Variants in DISC1 observed in about 807,000 individuals in gnomAD.
The protein encoded by DISC1 is disrupted in schizophrenia 1 protein.
Under a neutral mutation model 84.5 loss-of-function variants are expected in DISC1, and 57 were observed. The observed-to-expected ratio is 0.67, with a 90% CI of 0.55 to 0.84. DISC1 has a LOEUF of 0.84. DISC1 is among the 40% of genes least tolerant of loss of function. DISC1 has a pLI of 0.00. For synonymous variants in DISC1, 411 were observed against 415.2 expected (o/e 0.99, Z 0.12); for missense variants, 1,000 against 1,057.8 (o/e 0.95, Z 0.76).
In DISC1 at chr1:231,820,697, A is replaced by G. The variant is rs144878080; in HGVS notation, c.1981+2180A>G. On this transcript the variant is annotated intron_variant, in intron 9 of 12. Coordinates refer to ENST00000439617, the MANE Select transcript of DISC1 (RefSeq NM_018662.3). ...ATGCATGTCCAAGTCCAGTCAGAAAAAAAACAAAGAAGGAAGAGAGCTCAT... is the reference window on the plus strand; with the variant it reads ...ATGCATGTCCAAGTCCAGTCAGAAAGAAAACAAAGAAGGAAGAGAGCTCAT... Among the ~76,000 whole-genome samples the G allele has an allele frequency of 1.2e-3, 179 of 152,302 alleles. 1 individual carries two copies. The highest frequency in any genetic ancestry group is 4.1e-3 in the African/African-American group (170 of 41,544).
At chr1:231,823,810 C>T (rs2081664633) in intron 9 of DISC1, among the ~76,000 whole-genome samples, 1 of 152,054 alleles carries the variant, frequency 6.6e-6, no homozygotes, top group Non-Finnish European at 1.5e-5. Context: ...GTTGGGGATC[C>T]CTTCAAAGCA....
At chr1:231,764,353 A>C (rs1258282152) in intron 4 of DISC1, among the ~76,000 whole-genome samples, 2 of 152,246 alleles carry the variant, frequency 1.3e-5, no homozygotes, top group African/African-American at 4.8e-5. Context: ...TTTATGTTAC[A>C]GTTGTAAAAA....
chr1:231,695,685 A>G lies in DISC1; in HGVS notation c.1047+880A>G, dbSNP rs145359398. ...ATGTGTGTGTGTGCATGCATGTGCG[A>G]GTGTATTTGTGTGTGTGCACTCATG... On this transcript the variant is annotated intron_variant, in intron 2 of 12. Transcript: ENST00000439617. Among the ~76,000 whole-genome samples the G allele has an allele frequency of 1.6e-3, 236 of 151,380 alleles. 1 individual carries two copies. Among genetic ancestry groups the G allele is most frequent in the African/African-American group, 5.5e-3 (226 of 41,206 alleles).
intron 6 of DISC1, chr1:231,771,636 T>C (rs1269503525): frequency 6.1e-6 from 6 of 977,648 alleles, no homozygotes; most frequent in Non-Finnish European, 7.3e-6. Context: ...TTTAAGAAGG[T>C]TATAATTTGC....
intron 10 of DISC1, among the ~76,000 whole-genome samples, chr1:232,005,447 T>C (rs958409802): frequency 2.7e-4 from 41 of 152,216 alleles, no homozygotes; most frequent in Admixed American, 5.9e-4. Context: ...GTGCCTTTCT[T>C]TTCTCTCACT....
intron 11 of DISC1, among the ~76,000 whole-genome samples, chr1:232,017,186 T>C (rs1016457198): frequency 1.3e-5 from 2 of 152,146 alleles, no homozygotes; most frequent in African/African-American, 2.4e-5. Flanking sequence ...CAAAGGAACA[T>C]ATTTAAGGCA....
intron 9 of DISC1, chr1:231,940,817 T>G (rs1319510741): frequency 6.6e-6 from 1 of 152,374 alleles, no homozygotes; most frequent in Non-Finnish European, 1.5e-5. Context: ...AGACTCTGCC[T>G]TCAACATTTG....
intron 9 of DISC1, among the ~76,000 whole-genome samples, chr1:231,878,627 T>C (rs1209429096): frequency 6.6e-6 from 1 of 152,200 alleles, no homozygotes; most frequent in African/African-American, 2.4e-5. Flanking sequence ...ATTGTCATTT[T>C]TTTTAAATGC....
chr1:232,017,305 G>A (rs1478299515), intron 11 of DISC1, among the ~76,000 whole-genome samples: 6 of 152,162 alleles, frequency 3.9e-5, no homozygotes, highest in African/African-American at 1.4e-4. Context: ...AGTGAGACTT[G>A]ACAATGTAAC....
rs821625 is a variant in DISC1, at chr1:232,011,364, G to T, written c.2307+2315G>T. Among the ~76,000 whole-genome samples, 350 of 152,072 alleles carry T rather than the reference G, an allele frequency of 2.3e-3. 4 individuals carry two copies. Among genetic ancestry groups the T allele is most frequent in the African/African-American group, 8.1e-3 (337 of 41,460 alleles). ...CTCCACCAATTGAAATGCTGAGGAT[G>T]TCCTACATTTATTTGTTGCTTTCTT... On this transcript the variant is annotated intron_variant, in intron 11 of 12. Coordinates refer to ENST00000439617, the MANE Select transcript of DISC1 (RefSeq NM_018662.3).
intron 9 of DISC1, among the ~76,000 whole-genome samples, chr1:231,928,198 C>T (rs1162623109): frequency 6.6e-6 from 1 of 152,196 alleles, no homozygotes; most frequent in Non-Finnish European, 1.5e-5. Flanking sequence ...TTTCTGCTCT[C>T]AGCTATTAAA....
intron 6 of DISC1, among the ~76,000 whole-genome samples, chr1:231,790,743 C>T (rs1283934937): frequency 2.0e-5 from 3 of 152,148 alleles, no homozygotes; most frequent in Non-Finnish European, 4.4e-5. Flanking sequence ...TGGTCTCCAT[C>T]TCCTGACCTT....
intron 1 of DISC1, among the ~76,000 whole-genome samples, chr1:231,651,155 T>C (rs1396284067): frequency 6.6e-6 from 1 of 152,250 alleles, no homozygotes; most frequent in East Asian, 1.9e-4. Context: ...CTCTGGTTTT[T>C]AGGATTTTCA....
intron 8 of DISC1, among the ~76,000 whole-genome samples, chr1:231,817,417 T>G (rs1016288564): frequency 6.6e-6 from 1 of 152,144 alleles, no homozygotes; most frequent in Non-Finnish European, 1.5e-5. Flanking sequence ...GCACATAAAT[T>G]TCTACAAAAG....
chr1:231,878,029 C>A (rs2086022687), intron 9 of DISC1, among the ~76,000 whole-genome samples: 1 of 152,176 alleles, frequency 6.6e-6, no homozygotes, highest in Non-Finnish European at 1.5e-5. Flanking sequence ...TTCTTAACTT[C>A]AGAAAATAGT....
intron 9 of DISC1, among the ~76,000 whole-genome samples, chr1:231,910,155 G>GT (rs1031627515): frequency 1.3e-5 from 2 of 152,026 alleles, no homozygotes; most frequent in Non-Finnish European, 2.9e-5. Context: ...TTTTTGAAGG[G>GT]TTTTTTGTCT....
chr1:231,843,780 G>A (rs2083253508), intron 9 of DISC1, among the ~76,000 whole-genome samples: 1 of 152,160 alleles, frequency 6.6e-6, no homozygotes, highest in Admixed American at 6.5e-5. Context: ...CAGCAGATTT[G>A]GAAGAGATTG....
At chr1:231,802,810 A>G (rs1315601922) in intron 8 of DISC1, among the ~76,000 whole-genome samples, 1 of 151,964 alleles carries the variant, frequency 6.6e-6, no homozygotes, top group Non-Finnish European at 1.5e-5. Flanking sequence ...TCAGTTGGTA[A>G]CTGAGTGACT....
At chr1:231,704,997 A>T (rs1422384609) in intron 3 of DISC1, among the ~76,000 whole-genome samples, 1 of 152,014 alleles carries the variant, frequency 6.6e-6, no homozygotes, top group Non-Finnish European at 1.5e-5. Context: ...AAACTGGATA[A>T]TACACAGTAA....
Sources: gnomAD v4.1 joint callset for allele counts (sites outside exome capture counted in the v4.1 genomes callset) on GRCh38, gnomAD v4.1.1 for gene constraint, MANE v1.5 for transcripts, NCBI Gene and HGNC (gene_info 2026-07-23, HGNC 2026-07-21) for gene names.